GGT1: variants seen among roughly 807,000 people sequenced by gnomAD.
GGT1 encodes the protein glutathione hydrolase 1 proenzyme.
Under a neutral mutation model 56.0 loss-of-function variants are expected in GGT1, and 21 were observed. The ratio of observed to expected loss-of-function variants is 0.38; its 90% CI spans 0.27 to 0.54. The LOEUF is 0.54. Among genes scored for constraint, GGT1 ranks in the 20% least tolerant of loss-of-function variants. GGT1 has a pLI of 0.82. For synonymous variants in GGT1, 238 were observed against 342.6 expected (o/e 0.69, Z 3.37); for missense variants, 466 against 787.0 (o/e 0.59, Z 4.88).
At chr22:24,618,468 G>A (rs914727807) in intron 7 of GGT1, among the ~76,000 whole-genome samples, 8 of 152,142 alleles carry the variant, frequency 5.3e-5, no homozygotes, top group African/African-American at 7.2e-5. Flanking sequence ...GCCTGTGCCT[G>A]TAATACCAGC....
chr22:24,592,724 C>T (rs543547070), upstream of GGT1: 242 of 1,300,234 alleles, frequency 1.9e-4, no homozygotes, highest in African/African-American at 3.5e-3. Context: ...CGGAACCCGC[C>T]TGCGCGCGCC....
At chr22:24,609,860 G>GT (rs2046553317) in intron 2 of GGT1, 105 bp from the exon 3 acceptor site, 1 of 394,424 alleles carries the variant, frequency 2.5e-6, no homozygotes, top group Non-Finnish European at 5.4e-6. Context: ...GTGCCACTCA[G>GT]GCCTCCTGGG....
At chr22:24,592,096 G>C (rs541369105), upstream of GGT1, 7 of 356,606 alleles carry the variant, frequency 2.0e-5, no homozygotes, top group South Asian at 1.2e-4. Context: ...GATGGGGCAG[G>C]TAGTGGTGGT....
At chr22:24,621,421 G>C (rs2047401114) in intron 9 of GGT1, among the ~76,000 whole-genome samples, 1 of 151,988 alleles carries the variant, frequency 6.6e-6, no homozygotes, top group Admixed American at 6.6e-5. Context: ...ATTCCTAGCA[G>C]AGGAACAGCT....
chr22:24,605,409 T>A (rs192238881), intron 1 of GGT1, among the ~76,000 whole-genome samples: 22 of 50,118 alleles, frequency 4.4e-4, no homozygotes, highest in Non-Finnish European at 6.2e-4. Context: ...TTATATAATA[T>A]TATATAATAT....
rs750177523 is a variant in GGT1 at position 24,611,069 on chromosome 22, G to A, written c.-7-6G>A. On this transcript the variant is annotated splice_polypyrimidine_tract_variant and splice_region_variant and intron_variant, in intron 4 of 15. Coordinates refer to ENST00000400382, the MANE Select transcript of GGT1 (RefSeq NM_001288833.2). ...CCTGACCCTGCTTCTTACCCCGTGG[G>A]TGCAGCAGAGCCATGAAGAAGAAGT... 5 of 1,597,770 alleles carry A rather than the reference G, an allele frequency of 3.1e-6. No homozygotes were observed. Among genetic ancestry groups the A allele is most frequent in the South Asian group, 1.1e-5 (1 of 88,436 alleles).
chr22:24,590,690 G>A (rs919915725), upstream of GGT1, among the ~76,000 whole-genome samples: 2 of 152,016 alleles, frequency 1.3e-5, no homozygotes, highest in African/African-American at 2.4e-5. Context: ...CCTAAGCTGC[G>A]GCCAGCATCT....
At chr22:24,586,867 A>G in the GGT1 span, among the ~76,000 whole-genome samples, 3 of 152,230 alleles carry the variant, frequency 2.0e-5, no homozygotes, top group South Asian at 2.1e-4. Flanking sequence ...GCCATGGGCA[A>G]TGCTCAGAGG....
Position 24,611,773 on chromosome 22 carries a change from TTGTGTGTGTG to T in GGT1, c.164+566_164+575del, listed in dbSNP as rs57600451. ...GCGTGCGCCACCACGCCCAACAAAT[TTGTGTGTGTG>T]TGTGTGTGTGTGTGTGTGTGTGTGT... On this transcript the variant is annotated intron_variant, in intron 5 of 15. Coordinates refer to ENST00000400382, the MANE Select transcript of GGT1 (RefSeq NM_001288833.2). Among the ~76,000 whole-genome samples, 301 of 131,016 alleles carry T rather than the reference TTGTGTGTGTG, an allele frequency of 2.3e-3. 2 individuals carry two copies. Among genetic ancestry groups the T allele is most frequent in the African/African-American group, 4.9e-3 (178 of 36,392 alleles). 86.0% of individuals were successfully genotyped at this position (131,016 alleles called of 152,430 possible).
the GGT1 span, among the ~76,000 whole-genome samples, chr22:24,587,461 C>T: frequency 6.6e-6 from 1 of 152,224 alleles, no homozygotes; most frequent in Non-Finnish European, 1.5e-5. Flanking sequence ...CCAGCCATGG[C>T]AGGGAACAAC....
chr22:24,616,079 A>G (rs1338818643), intron 7 of GGT1: 1 of 147,146 alleles, frequency 6.8e-6, no homozygotes, highest in Admixed American at 6.9e-5. Context: ...GTACCACTAC[A>G]CTCTAGCTTG....
chr22:24,612,244 CTTTTTT>C (rs796939700), intron 5 of GGT1, among the ~76,000 whole-genome samples: 2 of 75,384 alleles, frequency 2.7e-5, no homozygotes, highest in Non-Finnish European at 6.0e-5. Flanking sequence ...CCGGCTTATT[CTTTTTT>C]TTTTTTTTTT....
upstream of GGT1, chr22:24,593,028 C>T: frequency 9.4e-7 from 1 of 1,060,266 alleles, no homozygotes; most frequent in Non-Finnish European, 1.1e-6. Context: ...GCCGGCCCAG[C>T]CGCGCCCCCA....
the GGT1 span, chr22:24,586,457 C>A: frequency 5.7e-6 from 9 of 1,565,540 alleles, no homozygotes; most frequent in Admixed American, 3.5e-5. Flanking sequence ...ACCAGGCAGT[C>A]CCCCCACTGA....
chr22:24,623,840 G>T lies in GGT1; in HGVS notation c.944G>T (p.Arg315Leu), dbSNP rs779028206. ...GAGCAGAAGGGCCTGACGTACCACCGCATCGTAGAGGCTTTCCGGTTTGCC... is the reference window on the plus strand; with the variant it reads ...GAGCAGAAGGGCCTGACGTACCACCTCATCGTAGAGGCTTTCCGGTTTGCC... The part of the protein sequence containing the change: ...SPEQKGLTYH[R>L]IVEAFRFAYA... Residue 315 changes from arginine to leucine, a missense_variant, in exon 11 of 16, where the codon CGC (arginine) becomes CTC (leucine). This residue lies in a region of GGT1 where 456 missense variants were observed against 716.7 expected (regional missense o/e 0.64). Transcript: ENST00000400382. 18 of 1,611,768 alleles carry T rather than the reference G, an allele frequency of 1.1e-5. No individual in the cohort carries two copies. In the South Asian group the frequency reaches 1.6e-4, roughly 15 times the overall value.
chr22:24,588,460 A>G, the GGT1 span: 98 of 801,072 alleles, frequency 1.2e-4, no homozygotes, highest in Non-Finnish European at 1.6e-4. Context: ...CGAGTTGCCC[A>G]CCAGGGCCTC....
At position 24,628,233 on chromosome 22, in the gene GGT1, G is replaced by C; in HGVS notation, c.1449+40G>C. The C allele has an allele frequency of 6.2e-7, 1 of 1,611,972 alleles. No individual in the cohort carries two copies. The highest frequency in any genetic ancestry group is 8.5e-7 in the Non-Finnish European group (1 of 1,179,844). On this transcript the variant is annotated intron_variant, in intron 14 of 15. Transcript: ENST00000400382. This position sits in a 1 kb window ranked among gnomAD's most constrained non-coding sequence, Gnocchi z 5.7. The stretch of plus-strand genomic sequence containing the variant: ...TTTTCTCCCTGGCCGTGCCCACCCT[G>C]CACAGCCCCCAAGCCATGCTGATCA...
At chr22:24,585,032 C>T in the GGT1 span, among the ~76,000 whole-genome samples, 21 of 152,100 alleles carry the variant, frequency 1.4e-4, no homozygotes, top group Admixed American at 5.9e-4. Flanking sequence ...CTCTCCCACA[C>T]GGGGACTCCC....
At chr22:24,601,381 G>T (rs2045779968), upstream of GGT1, among the ~76,000 whole-genome samples, 1 of 152,076 alleles carries the variant, frequency 6.6e-6, no homozygotes, top group African/African-American at 2.4e-5. Flanking sequence ...ACCTGTCAGT[G>T]GGGGTGGGGC....
Sources: allele counts gnomAD v4.1 joint callset (sites outside exome capture counted in the v4.1 genomes callset), GRCh38; gene constraint gnomAD v4.1.1; regional missense constraint gnomAD v4.1.1; non-coding constraint Gnocchi (gnomAD v3.1); transcripts MANE v1.5; gene names NCBI Gene and HGNC (gene_info 2026-07-23, HGNC 2026-07-21).